Variants in CSMD1 observed in about 807,000 individuals in gnomAD.
CSMD1 encodes the protein CUB and sushi domain-containing protein 1.
CSMD1 carries 213 observed loss-of-function variants against 417.5 expected under a neutral mutation model. The ratio of observed to expected loss-of-function variants is 0.51; its 90% CI spans 0.46 to 0.57. The LOEUF is 0.57. Ranked by LOEUF, CSMD1 falls within the 20% of genes least tolerant of loss-of-function variation. The pLI is 0.00. For missense variants in CSMD1, 6,923 were observed against 4,529.7 expected (o/e 1.53, Z -15.17); for synonymous variants, 2,862 against 1,736.8 (o/e 1.65, Z -16.11).
At chr8:3,787,300 T>G (rs1201321835) in intron 5 of CSMD1, among the ~76,000 whole-genome samples, 2 of 152,162 alleles carry the variant, frequency 1.3e-5, no homozygotes, top group Admixed American at 1.3e-4. Context: ...GAAAATTGAT[T>G]TCATGGATAT....
chr8:3,731,288 G>A (rs1272409322), intron 6 of CSMD1, among the ~76,000 whole-genome samples: 1 of 152,180 alleles, frequency 6.6e-6, no homozygotes, highest in Non-Finnish European at 1.5e-5. Context: ...AGATACAGAT[G>A]CATCTCCACA....
chr8:4,792,691 C>A (rs1269435149), intron 1 of CSMD1, among the ~76,000 whole-genome samples: 1 of 152,100 alleles, frequency 6.6e-6, no homozygotes, highest in Non-Finnish European at 1.5e-5. Context: ...GGTCCAGAAC[C>A]AAAAGGAACA....
chr8:4,447,088 C>T (rs1154067), intron 2 of CSMD1, among the ~76,000 whole-genome samples: 146,840 of 152,264 alleles, frequency 0.96, 70,850 homozygotes, highest in East Asian at 1. Context: ...ATGACAGCGT[C>T]TCTTTGGGAA....
At chr8:2,999,515 G>T (rs1807211946) in intron 53 of CSMD1, among the ~76,000 whole-genome samples, 1 of 152,136 alleles carries the variant, frequency 6.6e-6, no homozygotes, top group African/African-American at 2.4e-5. Context: ...TCTTGACGAA[G>T]CAATGACAAA....
In CSMD1 at chr8:4,810,077, A is replaced by T. The variant is rs1798809860; in HGVS notation, c.86-172519T>A. 2.0e-5 allele frequency among the ~76,000 whole-genome samples: 3 copies of T among 152,244 alleles called. No homozygotes were observed. In the South Asian group the frequency reaches 6.2e-4, roughly 31 times the overall value. On this transcript the variant is annotated intron_variant, in intron 1 of 69. Transcript: ENST00000635120. ...CAAAAATACCAGTTAAAGTTAGCTC[A>T]TTTGGTAACTATTTCCTTAGCCTTT...
intron 1 of CSMD1, among the ~76,000 whole-genome samples, chr8:4,838,074 G>C (rs1355762027): frequency 1.3e-5 from 2 of 152,112 alleles, no homozygotes; most frequent in African/African-American, 4.8e-5. Flanking sequence ...GGGACATAGT[G>C]GATTTGCCGG....
At chr8:4,714,335 A>G (rs933150386) in intron 1 of CSMD1, among the ~76,000 whole-genome samples, 17 of 152,140 alleles carry the variant, frequency 1.1e-4, no homozygotes, top group Non-Finnish European at 2.1e-4. Flanking sequence ...ACACTTGCAA[A>G]GTTTGGGGTC....
chr8:4,002,208 T>TGTGTGTGTGA (rs1815737641), intron 4 of CSMD1, among the ~76,000 whole-genome samples: 1 of 151,316 alleles, frequency 6.6e-6, no homozygotes, highest in South Asian at 2.1e-4. Flanking sequence ...CCTGTGAGTG[T>TGTGTGTGTGA]GTGTGTGTGA....
intron 56 of CSMD1, 110 bp downstream of exon 56, chr8:2,974,341 G>C: frequency 2.0e-6 from 2 of 1,023,596 alleles, no homozygotes; most frequent in Non-Finnish European, 1.4e-6. Context: ...TCAAATAAAT[G>C]CATAATTATA....
chr8:3,381,251 T>A (rs1041374716), intron 18 of CSMD1, among the ~76,000 whole-genome samples: 1 of 151,538 alleles, frequency 6.6e-6, no homozygotes, highest in African/African-American at 2.4e-5. Context: ...CGGTACCTGT[T>A]CAACAGATCT....
intron 3 of CSMD1, among the ~76,000 whole-genome samples, chr8:4,254,074 G>A (rs1301438042): frequency 1.3e-5 from 2 of 151,700 alleles, no homozygotes; most frequent in Middle Eastern, 6.8e-3. Context: ...CCACCACCAC[G>A]CCTGGCTAAT....
At chr8:3,605,665 A>G (rs1293332450) in intron 8 of CSMD1, among the ~76,000 whole-genome samples, 1 of 152,222 alleles carries the variant, frequency 6.6e-6, no homozygotes, top group East Asian at 1.9e-4. Flanking sequence ...ATGAAAAATA[A>G]ACATGGTATC....
chr8:4,377,966 T>C (rs926735716), intron 3 of CSMD1, among the ~76,000 whole-genome samples: 5 of 152,226 alleles, frequency 3.3e-5, no homozygotes, highest in Admixed American at 6.5e-5. Flanking sequence ...TAGCAAATGA[T>C]AGAATTGTAG....
At chr8:4,393,388 C>T (rs1803986783) in intron 3 of CSMD1, among the ~76,000 whole-genome samples, 1 of 152,140 alleles carries the variant, frequency 6.6e-6, no homozygotes, top group Non-Finnish European at 1.5e-5. Flanking sequence ...AGGAGAAATT[C>T]AGTTATGGTT....
intron 5 of CSMD1, among the ~76,000 whole-genome samples, chr8:3,792,826 T>C (rs956647092): frequency 5.3e-5 from 8 of 152,202 alleles, no homozygotes; most frequent in African/African-American, 1.9e-4. Flanking sequence ...ACAACTACTC[T>C]CTGTATTTGA....
At chr8:4,723,051 T>G (rs1346720859) in intron 1 of CSMD1, among the ~76,000 whole-genome samples, 2 of 152,140 alleles carry the variant, frequency 1.3e-5, no homozygotes, top group Admixed American at 6.6e-5. Context: ...AAAACAGTAT[T>G]GATCTCCTTT....
At chr8:4,215,333 G>C (rs974838364) in intron 3 of CSMD1, among the ~76,000 whole-genome samples, 10 of 152,092 alleles carry the variant, frequency 6.6e-5, no homozygotes, top group Non-Finnish European at 1.5e-4. Context: ...TTGGCTTTTA[G>C]ATGTCCACAG....
At chr8:4,992,472 G>C (rs920150205) in intron 1 of CSMD1, among the ~76,000 whole-genome samples, 27 of 152,194 alleles carry the variant, frequency 1.8e-4, no homozygotes, top group Admixed American at 1.4e-3. Context: ...AGTTAGGCTT[G>C]GAGTGCAGGG....
chr8:3,815,056 G>C (rs186539609), intron 5 of CSMD1, among the ~76,000 whole-genome samples: 1 of 152,136 alleles, frequency 6.6e-6, no homozygotes, highest in South Asian at 2.1e-4. Context: ...GAAGATGTTT[G>C]GGAAAAAGAT....
Sources: allele counts gnomAD v4.1 joint callset (sites outside exome capture counted in the v4.1 genomes callset), GRCh38; gene constraint gnomAD v4.1.1; transcripts MANE v1.5; gene names NCBI Gene and HGNC (gene_info 2026-07-23, HGNC 2026-07-21).